Variants in NAV3 observed in about 807,000 individuals in gnomAD.
The protein encoded by NAV3 is neuron navigator 3.
NAV3 carries 87 observed loss-of-function variants against 244.7 expected under a neutral mutation model. The observed-to-expected ratio is 0.36, with a 90% CI of 0.30 to 0.42. The LOEUF (loss-of-function observed/expected upper bound fraction) is 0.42. NAV3 is among the 20% of genes least tolerant of loss of function. The probability of loss-of-function intolerance (pLI) is 1.00; values close to 1 mark genes in which losing one functional copy is unlikely to be tolerated. For synonymous variants in NAV3, 1,126 were observed against 1,042.2 expected (o/e 1.08, Z -1.55); for missense variants, 2,663 against 2,893.3 (o/e 0.92, Z 1.83).
rs759433547 is a variant in NAV3 at position 78,119,654 on chromosome 12, G to A, written c.3458G>A (p.Gly1153Glu). The A allele has an allele frequency of 1.2e-6, 2 of 1,614,028 alleles. No individual in the cohort carries two copies. The highest frequency in any genetic ancestry group is 2.7e-5 in the African/African-American group (2 of 74,908). ...AGCACCAGTGGCATTCCTGGCCGAGGAGGCCACAGATCCAGTACCAGCAGT... is the reference window on the plus strand; with the variant it reads ...AGCACCAGTGGCATTCCTGGCCGAGAAGGCCACAGATCCAGTACCAGCAGT... ...KSSTSGIPGR[G>E]GHRSSTSSID... Residue 1153 changes from glycine to glutamate, a missense_variant, in exon 15 of 40, where the codon GGA becomes GAA. By Grantham distance (98) the Gly-to-Glu change is moderately conservative. This residue lies in a region of NAV3 where 1,521 missense variants were observed against 1,497.0 expected (regional missense o/e 1.02). Coordinates refer to ENST00000397909, the MANE Select transcript of NAV3 (RefSeq NM_001024383.2).
intron 2 of NAV3, among the ~76,000 whole-genome samples, chr12:77,805,212 G>A (rs937337754): frequency 1.3e-5 from 2 of 152,164 alleles, no homozygotes; most frequent in Non-Finnish European, 2.9e-5. Context: ...TTTTGAATAG[G>A]AGTGGTGAGA....
chr12:77,790,754 G>A (rs1871142658), intron 2 of NAV3, among the ~76,000 whole-genome samples: 1 of 152,134 alleles, frequency 6.6e-6, no homozygotes, highest in Admixed American at 6.5e-5. Context: ...GGGCACTTCA[G>A]CAGGCCCAGT....
chr12:77,885,551 C>T (rs1357137151), intron 1 of NAV3, among the ~76,000 whole-genome samples: 1 of 152,100 alleles, frequency 6.6e-6, no homozygotes, highest in Non-Finnish European at 1.5e-5. Context: ...CAGGTTGTAT[C>T]TGCCCTAAAG....
chr12:77,722,842 C>A (rs956933169), intron 2 of NAV3, among the ~76,000 whole-genome samples: 1 of 151,928 alleles, frequency 6.6e-6, no homozygotes, highest in Non-Finnish European at 1.5e-5. Context: ...AGTTTTCTAG[C>A]CAAAATCTCA....
At chr12:77,706,896 A>G (rs867055255) in intron 2 of NAV3, among the ~76,000 whole-genome samples, 9 of 126,852 alleles carry the variant, frequency 7.1e-5, no homozygotes, top group Admixed American at 4.6e-4. Context: ...AAAAAAAACC[A>G]AAAAAAAAAA....
intron 2 of NAV3, among the ~76,000 whole-genome samples, chr12:77,704,962 A>C (rs1444454678): frequency 6.6e-6 from 1 of 152,224 alleles, no homozygotes; most frequent in Non-Finnish European, 1.5e-5. Context: ...CTATTTTAGA[A>C]ACTCTGTGTT....
At chr12:78,025,595 CAAAAAAAAAA>C (rs1186694789) in intron 9 of NAV3, among the ~76,000 whole-genome samples, 4,324 of 55,586 alleles carry the variant, frequency 0.078, 258 homozygotes, top group East Asian at 0.46. Flanking sequence ...GACTCCATCT[CAAAAAAAAAA>C]AAAAAAAAAA....
At chr12:77,861,219 C>A (rs78462094) in intron 1 of NAV3, among the ~76,000 whole-genome samples, 2,084 of 151,646 alleles carry the variant, frequency 0.014, 61 homozygotes, top group African/African-American at 0.047. Flanking sequence ...AAAAAGGAAC[C>A]GTGTATCTTT....
intron 1 of NAV3, among the ~76,000 whole-genome samples, chr12:77,907,472 T>G (rs1228651294): frequency 6.6e-6 from 1 of 152,128 alleles, no homozygotes. Flanking sequence ...CACTTCAGAC[T>G]TCCTGATTAT....
At chr12:78,057,283 CCAAACA>C (rs1187619019) in intron 11 of NAV3, among the ~76,000 whole-genome samples, 1 of 152,016 alleles carries the variant, frequency 6.6e-6, no homozygotes, top group African/African-American at 2.4e-5. Flanking sequence ...AGTCACGTGA[CCAAACA>C]CAAACTAATC....
intron 2 of NAV3, among the ~76,000 whole-genome samples, chr12:77,609,085 G>A (rs1772538068): frequency 6.6e-6 from 1 of 152,008 alleles, no homozygotes; most frequent in African/African-American, 2.4e-5. Context: ...TGGAAACATT[G>A]CTTTATCTGC....
chr12:77,887,335 T>C (rs1883412772), intron 1 of NAV3, among the ~76,000 whole-genome samples: 1 of 152,150 alleles, frequency 6.6e-6, no homozygotes, highest in Non-Finnish European at 1.5e-5. Context: ...TAAAACTACA[T>C]ATCTTCTGCT....
At position 77,837,204 on chromosome 12, in the gene NAV3, T is replaced by A. The variant is rs552923081; in HGVS notation, c.243+5500T>A. Among the ~76,000 whole-genome samples, 6 of 151,640 alleles carry A rather than the reference T, an allele frequency of 4.0e-5. No homozygotes were observed. In the South Asian group the frequency reaches 1.3e-3, roughly 32 times the overall value. On this transcript the variant is annotated intron_variant, in intron 1 of 39. Transcript: ENST00000397909. ...AGATATATAGAGTAAAAACATTCTTTTGAGGAAAAGTTATGTAAACTTTTA... is the reference window on the plus strand; with the variant it reads ...AGATATATAGAGTAAAAACATTCTTATGAGGAAAAGTTATGTAAACTTTTA...
intron 39 of NAV3, 88 bp from the exon 40 acceptor site, chr12:78,210,310 T>A: frequency 6.4e-7 from 1 of 1,571,050 alleles, no homozygotes; most frequent in Non-Finnish European, 8.6e-7. Flanking sequence ...ATAAGATAGC[T>A]CTTCGGTGTG....
At chr12:77,583,290 C>T (rs748694174) in intron 2 of NAV3, among the ~76,000 whole-genome samples, 4 of 152,116 alleles carry the variant, frequency 2.6e-5, no homozygotes, top group Non-Finnish European at 4.4e-5. Flanking sequence ...TTGTTAGGTA[C>T]GATGTAGCAG....
intron 5 of NAV3, among the ~76,000 whole-genome samples, chr12:77,986,104 G>A (rs1001176078): frequency 1.3e-5 from 2 of 152,200 alleles, no homozygotes; most frequent in African/African-American, 4.8e-5. Context: ...GCTCATGCCT[G>A]TAATCCCAGC....
intron 31 of NAV3, 88 bp downstream of exon 31, chr12:78,185,786 A>T: frequency 1.8e-6 from 2 of 1,111,892 alleles, no homozygotes; most frequent in Non-Finnish European, 2.6e-6. Flanking sequence ...TTGATCTGGT[A>T]AATATCCTAC....
At chr12:77,710,480 T>C (rs1876053856) in intron 2 of NAV3, among the ~76,000 whole-genome samples, 1 of 152,216 alleles carries the variant, frequency 6.6e-6, no homozygotes, top group African/African-American at 2.4e-5. Context: ...TCTTGTGATG[T>C]TGAAACTCAC....
At chr12:78,065,810 A>G (rs1884949118) in intron 12 of NAV3, among the ~76,000 whole-genome samples, 1 of 152,150 alleles carries the variant, frequency 6.6e-6, no homozygotes, top group Non-Finnish European at 1.5e-5. Context: ...GACAGGATGA[A>G]GATTATTGCT....
Sources: allele counts gnomAD v4.1 joint callset (sites outside exome capture counted in the v4.1 genomes callset), GRCh38; gene constraint gnomAD v4.1.1; regional missense constraint gnomAD v4.1.1; transcripts MANE v1.5; gene names NCBI Gene and HGNC (gene_info 2026-07-23, HGNC 2026-07-21).